The following PCNX2 variants were observed in gnomAD, a reference collection of about 807,000 sequenced individuals.
PCNX2 encodes pecanex-like protein 2.
Under a neutral mutation model 223.8 loss-of-function variants are expected in PCNX2, and 168 were observed. The ratio of observed to expected loss-of-function variants is 0.75; its 90% CI spans 0.66 to 0.85. PCNX2 has a LOEUF of 0.85. PCNX2 is among the 40% of genes least tolerant of loss of function. The pLI is 0.00. For synonymous variants in PCNX2, 1,006 were observed against 1,052.6 expected (o/e 0.96, Z 0.86); for missense variants, 2,507 against 2,675.5 (o/e 0.94, Z 1.39).
chr1:233,010,537 T>C (rs1189212556), intron 28 of PCNX2, among the ~76,000 whole-genome samples: 3 of 152,224 alleles, frequency 2.0e-5, no homozygotes, highest in African/African-American at 4.8e-5. Context: ...CCTCATCACC[T>C]TTCATGTATT....
chr1:233,066,745 A>T (rs1212078621), intron 23 of PCNX2, among the ~76,000 whole-genome samples: 5 of 152,204 alleles, frequency 3.3e-5, no homozygotes, highest in African/African-American at 1.2e-4. Flanking sequence ...ATCCTGTGTC[A>T]CCAGCAAAGA....
chr1:233,262,333 G>A (rs936148371), intron 2 of PCNX2, among the ~76,000 whole-genome samples, 168 bp from the exon 3 acceptor site: 2 of 151,938 alleles, frequency 1.3e-5, no homozygotes, highest in African/African-American at 4.8e-5. Context: ...GCTCTGTCTG[G>A]GTAGACTGGA....
chr1:233,308,358 C>G, the PCNX2 span, among the ~76,000 whole-genome samples: 1 of 152,054 alleles, frequency 6.6e-6, no homozygotes, highest in African/African-American at 2.4e-5. Flanking sequence ...ACTTGGAAGG[C>G]TGAGTCAGGA....
At chr1:233,007,536 C>A (rs912382823) in intron 28 of PCNX2, among the ~76,000 whole-genome samples, 3 of 151,962 alleles carry the variant, frequency 2.0e-5, no homozygotes, top group African/African-American at 7.2e-5. Context: ...TCATCTTCTT[C>A]TTTTTTTATT....
chr1:232,996,526 C>T (rs560871972), intron 32 of PCNX2, among the ~76,000 whole-genome samples: 214 of 148,964 alleles, frequency 1.4e-3, no homozygotes, highest in African/African-American at 5.0e-3. Flanking sequence ...GTGGGTGGGG[C>T]AGGGGGAGAT....
At chr1:233,035,195 T>C (rs1671411215) in intron 25 of PCNX2, among the ~76,000 whole-genome samples, 1 of 152,196 alleles carries the variant, frequency 6.6e-6, no homozygotes, top group Non-Finnish European at 1.5e-5. Context: ...TTGAGAACAT[T>C]GCCATTAAAG....
chr1:233,275,107 A>C (rs1318691548), intron 1 of PCNX2, among the ~76,000 whole-genome samples: 1 of 152,236 alleles, frequency 6.6e-6, no homozygotes, highest in Non-Finnish European at 1.5e-5. Context: ...TGCAGATAGA[A>C]ACTATTCCCA....
chr1:233,295,505 C>G lies in PCNX2; in HGVS notation c.-27G>C. 1 of 1,536,326 alleles carries G rather than the reference C, an allele frequency of 6.5e-7. No homozygotes were observed. The highest frequency in any genetic ancestry group is 8.8e-7 in the Non-Finnish European group (1 of 1,140,658). ...CCGGCTGCGCCCCGGGGCTGGTGAG[C>G]GCCCCGCTGCACCCTGCGCGCCCCG... is the stretch of plus-strand genomic sequence containing the variant. On this transcript the variant is annotated 5_prime_UTR_variant, in exon 1 of 34. Coordinates refer to ENST00000258229, the MANE Select transcript of PCNX2 (RefSeq NM_014801.4). The surrounding 1 kb of genome is among the most constrained non-coding windows in gnomAD (Gnocchi z 4.1).
chr1:233,077,170 A>C (rs1158561985), intron 23 of PCNX2, among the ~76,000 whole-genome samples: 1 of 152,254 alleles, frequency 6.6e-6, no homozygotes, highest in Non-Finnish European at 1.5e-5. Flanking sequence ...CAAAGAATGA[A>C]TAGGAAATAG....
chr1:233,304,295 A>G, the PCNX2 span, among the ~76,000 whole-genome samples: 14 of 152,198 alleles, frequency 9.2e-5, no homozygotes, highest in Admixed American at 9.2e-4. Context: ...AAGATTATTT[A>G]TAATGATATG....
At position 232,999,364 on chromosome 1, in the gene PCNX2, C is replaced by A; in HGVS notation, c.5344G>T (p.Val1782Phe). ...FKVIKVNKECVRGLWAGQQQE... is the reference protein window; with the variant it reads ...FKVIKVNKECFRGLWAGQQQE... ...TGCTGCCCGGCCCAAAGTCCTCGGA[C>A]GCATTCTTTGTTAACCTGCAGGTCA... Residue 1782 changes from valine to phenylalanine, a missense_variant, in exon 31 of 34, where the codon GTC becomes TTC. By Grantham distance (50) the Val-to-Phe change is conservative (BLOSUM62 -1). Coordinates refer to ENST00000258229, the MANE Select transcript of PCNX2 (RefSeq NM_014801.4). 6.3e-7 allele frequency: 1 copy of A among 1,595,342 alleles called. No homozygotes were observed.
chr1:233,217,916 G>A lies in PCNX2; in HGVS notation c.2674C>T (p.Pro892Ser), dbSNP rs1207966049. ...YSLLKSVQPD[P>S]ASPIHGHNQI... ...AAACTTACGTGTATTGGTGAGGCGG[G>A]GTCAGGCTGAACACTCTAAAACACA... The change falls in exon 12 of 34, where the codon CCC becomes TCC. Residue 892 changes from proline to serine, a missense_variant. Pro to Ser is a moderately conservative substitution (Grantham distance 74). Transcript: ENST00000258229. The A allele has an allele frequency of 3.1e-6, 5 of 1,613,730 alleles. No homozygotes were observed. Among genetic ancestry groups the A allele is most frequent in the Non-Finnish European group, 3.4e-6 (4 of 1,179,894 alleles).
At chr1:233,249,243 T>G (rs1304930114) in intron 8 of PCNX2, among the ~76,000 whole-genome samples, 1 of 152,232 alleles carries the variant, frequency 6.6e-6, no homozygotes, top group Non-Finnish European at 1.5e-5. Context: ...TGACATATAT[T>G]TATCCTGGGG....
chr1:233,243,766 T>C (rs555908213), intron 8 of PCNX2, among the ~76,000 whole-genome samples: 1 of 152,310 alleles, frequency 6.6e-6, no homozygotes, highest in African/African-American at 2.4e-5. Flanking sequence ...CAGCTAACAC[T>C]GACTGAGGAC....
rs562193724 is a variant in PCNX2, at chr1:233,101,741, T to C, written c.3838-5878A>G. 7.2e-5 allele frequency among the ~76,000 whole-genome samples: 11 copies of C among 152,342 alleles called. No individual in the cohort carries two copies. The South Asian group carries it at 2.3e-3, about 32-fold the overall frequency. On this transcript the variant is annotated intron_variant, in intron 21 of 33. Coordinates refer to ENST00000258229, the MANE Select transcript of PCNX2 (RefSeq NM_014801.4). ...AATGGTTAAGTCTGAACTGACACCATGCCAACCCAAAGGGAACACAGACAT... is the reference window on the plus strand; with the variant it reads ...AATGGTTAAGTCTGAACTGACACCACGCCAACCCAAAGGGAACACAGACAT...
chr1:233,233,423 C>CGT lies in PCNX2; in HGVS notation c.2358+3421_2358+3422insAC, dbSNP rs1558373333. On this transcript the variant is annotated intron_variant, in intron 9 of 33. Transcript: ENST00000258229. ...ACAATGAAAAATAACCTCCTCTTCTCCTGTGTGTGTGTGTGTGTGTGTGTG... is the reference window on the plus strand; with the variant it reads ...ACAATGAAAAATAACCTCCTCTTCTCGTCTGTGTGTGTGTGTGTGTGTGTGTG... 1.5e-3 allele frequency among the ~76,000 whole-genome samples: 176 copies of CGT among 115,584 alleles called. 1 individual carries two copies. Among genetic ancestry groups the CGT allele is most frequent in the African/African-American group, 6.0e-3 (170 of 28,282 alleles). 75.8% of individuals were successfully genotyped at this position (115,584 alleles called of 152,430 possible).
chr1:233,075,733 ACACAC>A (rs1353808323), intron 23 of PCNX2, among the ~76,000 whole-genome samples: 2 of 151,900 alleles, frequency 1.3e-5, no homozygotes, highest in African/African-American at 4.8e-5. Flanking sequence ...ACACACACAC[ACACAC>A]AACAGAAAAG....
At chr1:233,126,000 A>C (rs1340263592) in intron 21 of PCNX2, 1 of 152,296 alleles carries the variant, frequency 6.6e-6, no homozygotes, top group Non-Finnish European at 1.5e-5. Context: ...ACCCGAGGTC[A>C]GGAGTTCAAG....
In PCNX2 at chr1:233,001,679, A is replaced by G. The variant is rs1350596289; in HGVS notation, c.4955T>C (p.Leu1652Pro). 6.4e-7 allele frequency: 1 copy of G among 1,571,594 alleles called. No homozygotes were observed. The highest frequency in any genetic ancestry group is 8.6e-7 in the Non-Finnish European group (1 of 1,157,832). ...ATGGAGGCCATACAGGAAAGAATCC[A>G]GGCTGCAAAACAAAGTCCTATTACT... ...GTAAHNMAISLDSFLYGLHVL... is the reference protein window; with the variant it reads ...GTAAHNMAISPDSFLYGLHVL... The change falls in exon 29 of 34, where the codon CTG (leucine) becomes CCG (proline). Residue 1652 changes from leucine to proline, a missense_variant and splice_region_variant. Around this residue, in one of 3 missense-constraint regions of PCNX2, gnomAD observed 1,372 missense variants for 1,509.4 expected, o/e 0.91. Coordinates refer to ENST00000258229, the MANE Select transcript of PCNX2 (RefSeq NM_014801.4). This position sits in a 1 kb window ranked among gnomAD's most constrained non-coding sequence, Gnocchi z 4.2.
Sources: allele counts gnomAD v4.1 joint callset (sites outside exome capture counted in the v4.1 genomes callset), GRCh38; gene constraint gnomAD v4.1.1; regional missense constraint gnomAD v4.1.1; non-coding constraint Gnocchi (gnomAD v3.1); transcripts MANE v1.5; gene names NCBI Gene and HGNC (gene_info 2026-07-23, HGNC 2026-07-21).